Variants in FBRSL1 observed in about 807,000 individuals in gnomAD.
The protein encoded by FBRSL1 is fibrosin-1-like protein.
Under a neutral mutation model 89.6 loss-of-function variants are expected in FBRSL1, and 51 were observed. The observed-to-expected ratio is 0.57, with a 90% CI of 0.45 to 0.72. The LOEUF (loss-of-function observed/expected upper bound fraction) is 0.72. Among genes scored for constraint, FBRSL1 ranks in the 30% least tolerant of loss-of-function variants. FBRSL1 has a pLI of 0.00. For synonymous variants in FBRSL1, 779 were observed against 681.1 expected (o/e 1.14, Z -2.24); for missense variants, 1,618 against 1,451.8 (o/e 1.11, Z -1.86).
intron 2 of FBRSL1, among the ~76,000 whole-genome samples, chr12:132,524,294 G>A (rs1882302): frequency 0.38 from 57,740 of 152,186 alleles, 12,166 homozygotes; most frequent in African/African-American, 0.56. Flanking sequence ...CCTCGGGGCT[G>A]CATCCCTGCC....
intron 4 of FBRSL1, among the ~76,000 whole-genome samples, chr12:132,532,196 G>T (rs2036346023): frequency 1.3e-5 from 2 of 152,162 alleles, no homozygotes; most frequent in African/African-American, 4.8e-5. Context: ...GGGTGGTGGT[G>T]GCAGCCCATG....
At chr12:132,533,662 C>T (rs983920963) in intron 4 of FBRSL1, among the ~76,000 whole-genome samples, 1 of 152,250 alleles carries the variant, frequency 6.6e-6, no homozygotes, top group Non-Finnish European at 1.5e-5. Context: ...ACCACCTGTC[C>T]CTCGTCTGCC....
chr12:132,578,343 T>TCACACACACACACACACACACA (rs3221291), intron 15 of FBRSL1, among the ~76,000 whole-genome samples: 24,167 of 140,676 alleles, frequency 0.17, 2,342 homozygotes, highest in Admixed American at 0.24. Flanking sequence ...AGACCCTGTC[T>TCACACACACACACACACACACA]CACACACACA....
chr12:132,507,085 G>GGGGAGAAGGT (rs2033777495), intron 1 of FBRSL1: 1 of 543,236 alleles, frequency 1.8e-6, no homozygotes, highest in Non-Finnish European at 2.3e-6. Flanking sequence ...GGACAGCCAA[G>GGGGAGAAGGT]GTCCTTCTCC....
chr12:132,572,318 C>G lies in FBRSL1; in HGVS notation c.1408C>G (p.Pro470Ala). ...CAAGTATGCGCCCAAGCTGGACAGC[C>G]CCTACTTCCGACATTCCAGCGTGAG... The part of the protein sequence containing the change: ...FDKYAPKLDS[P>A]YFRHSSVSFF... Residue 470 changes from proline to alanine, a missense_variant, in exon 10 of 19, where the codon CCC (proline) becomes GCC (alanine). Coordinates refer to ENST00000680143, the MANE Select transcript of FBRSL1 (RefSeq NM_001367871.1). 1.9e-6 allele frequency: 3 copies of G among 1,551,206 alleles called. No homozygotes were observed. The highest frequency in any genetic ancestry group is 2.6e-6 in the Non-Finnish European group (3 of 1,146,758).
At chr12:132,572,027 G>A (rs1218504993) in intron 9 of FBRSL1, 2 of 552,550 alleles carry the variant, frequency 3.6e-6, no homozygotes, top group Non-Finnish European at 6.4e-6. Context: ...CCTCAGCCAG[G>A]CACACAGACT....
rs2037724614 is a variant in FBRSL1, at chr12:132,546,775, G to A, written c.616-1228G>A. 6.6e-6 allele frequency among the ~76,000 whole-genome samples: 1 copy of A among 152,242 alleles called. No individual in the cohort carries two copies. Among genetic ancestry groups the A allele is most frequent in the African/African-American group, 2.4e-5 (1 of 41,470 alleles). ...GTCCCAGCTGGGGTCCCACTTGTAG[G>A]AGCCACCTGGAGTGTGACTCGTCAT... On this transcript the variant is annotated intron_variant, in intron 4 of 18. Coordinates refer to ENST00000680143, the MANE Select transcript of FBRSL1 (RefSeq NM_001367871.1). This position sits in a 1 kb window ranked among gnomAD's most constrained non-coding sequence, Gnocchi z 4.0.
intron 5 of FBRSL1, among the ~76,000 whole-genome samples, chr12:132,560,819 C>T (rs917275050): frequency 2.0e-5 from 3 of 152,258 alleles, no homozygotes; most frequent in Admixed American, 6.5e-5. Context: ...TCCTCTACCC[C>T]ACGCGGGCTA....
intron 2 of FBRSL1, among the ~76,000 whole-genome samples, chr12:132,522,058 T>TGTGGGTCTGC (rs1384674671): frequency 6.6e-6 from 1 of 152,030 alleles, no homozygotes; most frequent in Non-Finnish European, 1.5e-5. Flanking sequence ...TGCCGGCGCC[T>TGTGGGTCTGC]GTGGGTCTGC....
intron 2 of FBRSL1, chr12:132,510,463 C>T (rs1351003114): frequency 8.1e-6 from 10 of 1,231,960 alleles, no homozygotes; most frequent in Non-Finnish European, 2.0e-6. Context: ...CAGGCACCTC[C>T]CCATATGGGT....
At chr12:132,564,377 G>A (rs1331680605) in intron 5 of FBRSL1, among the ~76,000 whole-genome samples, 2 of 116,854 alleles carry the variant, frequency 1.7e-5, no homozygotes, top group Non-Finnish European at 1.7e-5. Context: ...TTTGGTTGGG[G>A]TGATAGGAAA....
chr12:132,531,754 T>C (rs1289295922), intron 4 of FBRSL1, among the ~76,000 whole-genome samples: 1 of 152,236 alleles, frequency 6.6e-6, no homozygotes, highest in Non-Finnish European at 1.5e-5. Context: ...GACTGGGGCC[T>C]CCAGCCTAAT....
At chr12:132,556,031 G>T (rs2038605317) in intron 5 of FBRSL1, among the ~76,000 whole-genome samples, 1 of 152,158 alleles carries the variant, frequency 6.6e-6, no homozygotes, top group Non-Finnish European at 1.5e-5. Flanking sequence ...GCTTTCCCTG[G>T]GTTTCTGTGT....
rs924174657 is a variant in FBRSL1 at position 132,499,598 on chromosome 12, C to T, written c.292-8555C>T. On this transcript the variant is annotated intron_variant, in intron 1 of 18. Transcript: ENST00000680143. This position sits in a 1 kb window ranked among gnomAD's most constrained non-coding sequence, Gnocchi z 4.3. The stretch of plus-strand genomic sequence containing the variant: ...GAGTGCAGGCTGTGAGGGGCAGCAC[C>T]GTGGCGTGGCGGTTCCCGAGAGCCC... Among the ~76,000 whole-genome samples, 2 of 151,884 alleles carry T rather than the reference C, an allele frequency of 1.3e-5. No individual in the cohort carries two copies. The highest frequency in any genetic ancestry group is 4.8e-5 in the African/African-American group (2 of 41,304).
intron 11 of FBRSL1, among the ~76,000 whole-genome samples, chr12:132,572,995 G>A (rs923442266): frequency 2.6e-5 from 4 of 152,198 alleles, no homozygotes; most frequent in Non-Finnish European, 5.9e-5. Flanking sequence ...TCCACACTGC[G>A]AGGAGGTTCT....
chr12:132,500,251 C>A (rs1326072047), intron 1 of FBRSL1, among the ~76,000 whole-genome samples: 3 of 152,146 alleles, frequency 2.0e-5, no homozygotes, highest in African/African-American at 4.8e-5. Flanking sequence ...TCCTGGCTGG[C>A]GGCTTTAGGG....
At chr12:132,566,001 T>TA (rs1304777341) in intron 5 of FBRSL1, 9 of 152,216 alleles carry the variant, frequency 5.9e-5, no homozygotes, top group Admixed American at 5.2e-4. Flanking sequence ...ACTGTGAACA[T>TA]ACTAAACGCT....
intron 5 of FBRSL1, among the ~76,000 whole-genome samples, chr12:132,556,918 C>T (rs568975307): frequency 6.6e-6 from 1 of 152,312 alleles, no homozygotes; most frequent in East Asian, 1.9e-4. Context: ...CGGCCCAATT[C>T]AAGGACACGT....
At chr12:132,542,671 C>T (rs1331277474) in intron 4 of FBRSL1, among the ~76,000 whole-genome samples, 2 of 152,210 alleles carry the variant, frequency 1.3e-5, no homozygotes, top group East Asian at 3.9e-4. Context: ...TGGGCCTAGA[C>T]CCTCCGCAGG....
Sources: allele counts gnomAD v4.1 joint callset (sites outside exome capture counted in the v4.1 genomes callset), GRCh38; gene constraint gnomAD v4.1.1; non-coding constraint Gnocchi (gnomAD v3.1); transcripts MANE v1.5; gene names NCBI Gene and HGNC (gene_info 2026-07-23, HGNC 2026-07-21).